The following SDCCAG8 variants were observed in gnomAD, a reference collection of about 807,000 sequenced individuals.
The protein encoded by SDCCAG8 is SHH signaling and ciliogenesis regulator SDCCAG8.
SDCCAG8 carries 74 observed loss-of-function variants against 101.8 expected under a neutral mutation model. That is an observed-to-expected ratio of 0.73 (90% confidence interval 0.60 to 0.88). The LOEUF (loss-of-function observed/expected upper bound fraction) is 0.88. SDCCAG8 is among the 40% of genes least tolerant of loss of function. The pLI, the probability that SDCCAG8 is intolerant of heterozygous loss-of-function variation, is 0.00. For synonymous variants in SDCCAG8, 281 were observed against 292.9 expected (o/e 0.96, Z 0.41); for missense variants, 787 against 822.6 (o/e 0.96, Z 0.53).
At chr1:243,358,781 G>C (rs1283899727) in intron 12 of SDCCAG8, among the ~76,000 whole-genome samples, 2 of 152,122 alleles carry the variant, frequency 1.3e-5, no homozygotes, top group Non-Finnish European at 2.9e-5. Flanking sequence ...CAGTAAAAAA[G>C]AATGAAGTAA....
chr1:243,358,064 CAAAG>C (rs1221078547), intron 12 of SDCCAG8, among the ~76,000 whole-genome samples: 1 of 151,422 alleles, frequency 6.6e-6, no homozygotes, highest in Non-Finnish European at 1.5e-5. Flanking sequence ...GCCAAAAGCA[CAAAG>C]AACAATAGAA....
At chr1:243,354,342 A>G (rs1472594125) in intron 12 of SDCCAG8, among the ~76,000 whole-genome samples, 1 of 152,214 alleles carries the variant, frequency 6.6e-6, no homozygotes, top group Non-Finnish European at 1.5e-5. Flanking sequence ...TATAAACATG[A>G]CACTTTTGTT....
At chr1:243,479,143 A>G (rs776296286) in intron 16 of SDCCAG8, among the ~76,000 whole-genome samples, 31 of 152,220 alleles carry the variant, frequency 2.0e-4, no homozygotes, top group Admixed American at 4.6e-4. Flanking sequence ...CTTTACATTA[A>G]CATGGTTTAT....
chr1:243,496,495 C>T (rs1001188383), intron 17 of SDCCAG8, among the ~76,000 whole-genome samples: 4 of 152,228 alleles, frequency 2.6e-5, no homozygotes, highest in Admixed American at 1.3e-4. Flanking sequence ...AACAGGACCA[C>T]GTTTTGACTT....
intron 4 of SDCCAG8, among the ~76,000 whole-genome samples, chr1:243,284,587 C>A (rs780604602): frequency 3.3e-5 from 5 of 152,112 alleles, no homozygotes; most frequent in Non-Finnish European, 7.4e-5. Context: ...TAGAGGAAGC[C>A]GGAGGCCCCC....
chr1:243,258,192 T>TA (rs5782261), intron 1 of SDCCAG8, among the ~76,000 whole-genome samples: 44,530 of 151,158 alleles, frequency 0.29, 6,843 homozygotes, highest in South Asian at 0.53. Context: ...TTAAACAACT[T>TA]AAAAAAAAAC....
chr1:243,491,956 G>A (rs1203119929), intron 17 of SDCCAG8, among the ~76,000 whole-genome samples: 1 of 152,170 alleles, frequency 6.6e-6, no homozygotes, highest in African/African-American at 2.4e-5. Flanking sequence ...ATACCCAGAA[G>A]AGAATGGGTC....
At chr1:243,419,422 A>T (rs950353278) in intron 15 of SDCCAG8, among the ~76,000 whole-genome samples, 2 of 152,192 alleles carry the variant, frequency 1.3e-5, no homozygotes, top group East Asian at 3.9e-4. Context: ...AACAAACAAG[A>T]TTGTATCATT....
At chr1:243,486,126 C>T (rs530347258) in intron 16 of SDCCAG8, among the ~76,000 whole-genome samples, 65 of 133,838 alleles carry the variant, frequency 4.9e-4, no homozygotes, top group African/African-American at 1.7e-3. Flanking sequence ...TGTTTGAACC[C>T]GGAGGCGGAG....
At chr1:243,430,358 C>A (rs12049318) in intron 16 of SDCCAG8, among the ~76,000 whole-genome samples, 26,782 of 152,090 alleles carry the variant, frequency 0.18, 2,602 homozygotes, top group African/African-American at 0.25. Flanking sequence ...TAAAGGAAAA[C>A]AGAAAGTGTG....
intron 16 of SDCCAG8, among the ~76,000 whole-genome samples, chr1:243,439,665 C>CACACACACACACAT: frequency 6.6e-6 from 1 of 151,428 alleles, no homozygotes; most frequent in East Asian, 2.0e-4. Flanking sequence ...CACACACACA[C>CACACACACACACAT]ATCATTGGAG....
intron 12 of SDCCAG8, among the ~76,000 whole-genome samples, chr1:243,364,045 A>G (rs1393890078): frequency 6.6e-6 from 1 of 152,218 alleles, no homozygotes; most frequent in African/African-American, 2.4e-5. Flanking sequence ...ACCCACAGCT[A>G]AAGTGAGTTT....
intron 10 of SDCCAG8, among the ~76,000 whole-genome samples, chr1:243,340,592 G>A (rs757806015): frequency 1.3e-5 from 2 of 152,130 alleles, no homozygotes; most frequent in East Asian, 1.9e-4. Context: ...GGTAGTGGGA[G>A]CCATAGCAGA....
At chr1:243,275,492 C>T (rs559035347) in intron 4 of SDCCAG8, among the ~76,000 whole-genome samples, 98 of 152,086 alleles carry the variant, frequency 6.4e-4, no homozygotes, top group African/African-American at 2.0e-3. Flanking sequence ...CTGATTTTAC[C>T]GGGGAGTTTC....
At position 243,270,111 on chromosome 1, in the gene SDCCAG8, C is replaced by G; in HGVS notation, c.74C>G (p.Ala25Gly). Residue 25 changes from alanine (A) to glycine (G), a missense_variant, in exon 2 of 18, where the codon GCC (alanine) becomes GGC (glycine). Coordinates refer to ENST00000366541, the MANE Select transcript of SDCCAG8 (RefSeq NM_006642.5). ...GQYQRSLREH[A>G]SRSIHQLTCA... ...CGTCAGGTTGTTCTTGCAGAACATGCCAGCAGAAGCATTCACCAACTGACA... is the reference window on the plus strand; with the variant it reads ...CGTCAGGTTGTTCTTGCAGAACATGGCAGCAGAAGCATTCACCAACTGACA... 1 of 1,614,174 alleles carries G rather than the reference C, an allele frequency of 6.2e-7. No individual in the cohort carries two copies. The highest frequency in any genetic ancestry group is 1.1e-5 in the South Asian group (1 of 91,088).
Position 243,492,891 on chromosome 1 carries a change from G to A in SDCCAG8, c.2112+3751G>A, listed in dbSNP as rs1666918300. On this transcript the variant is annotated intron_variant, in intron 17 of 17. Transcript: ENST00000366541. ...CAAAGTGCTGGCATTACAGGCATGA[G>A]CTTTGCCCGGCCTCTTGGCTTGTTC... Among the ~76,000 whole-genome samples the A allele has an allele frequency of 2.0e-5, 3 of 152,164 alleles. No homozygotes were observed. In the South Asian group the frequency reaches 6.2e-4, roughly 31 times the overall value.
rs371182492 is a variant in SDCCAG8, at chr1:243,319,705, C to T, written c.1068+2812C>T. On this transcript the variant is annotated intron_variant, in intron 9 of 17. Transcript: ENST00000366541. ...AAAAGTTTTAACATCTGATCCTTTT[C>T]CTCTTCATTCTATCTCTTTCATCAT... Among the ~76,000 whole-genome samples, 17 of 152,164 alleles carry T rather than the reference C, an allele frequency of 1.1e-4. No homozygotes were observed. The South Asian group carries it at 2.3e-3, about 20-fold the overall frequency.
Position 243,415,296 on chromosome 1 carries a change from G to A in SDCCAG8, c.1617-406G>A, listed in dbSNP as rs181185800. On this transcript the variant is annotated intron_variant, in intron 13 of 17. Transcript: ENST00000366541. ...TAAGTTTAGAGTGAAAACAGAGGTG[G>A]TCTACAAAGCTTAGTTTTAAGAATT... 3.5e-3 allele frequency among the ~76,000 whole-genome samples: 533 copies of A among 152,232 alleles called. 1 individual carries two copies. The highest frequency in any genetic ancestry group is 0.012 in the African/African-American group (511 of 41,548).
At chr1:243,495,578 C>T (rs527715306) in intron 17 of SDCCAG8, among the ~76,000 whole-genome samples, 3 of 152,276 alleles carry the variant, frequency 2.0e-5, no homozygotes, top group South Asian at 2.1e-4. Context: ...AGGCCTGACC[C>T]GGAGGGGACG....
Sources: gnomAD v4.1 joint callset for allele counts (sites outside exome capture counted in the v4.1 genomes callset) on GRCh38, gnomAD v4.1.1 for gene constraint, MANE v1.5 for transcripts, NCBI Gene and HGNC (gene_info 2026-07-23, HGNC 2026-07-21) for gene names.